The following OTOGL variants were observed in gnomAD, a reference collection of about 807,000 sequenced individuals.
OTOGL encodes the protein otogelin-like protein.
In OTOGL, 285 loss-of-function variants were observed where a neutral mutation model predicts 318.5. The observed-to-expected ratio is 0.89, with a 90% CI of 0.81 to 0.99. The LOEUF is 0.99. Among genes scored for constraint, OTOGL ranks in the 50% least tolerant of loss-of-function variants. The probability of loss-of-function intolerance (pLI) is 0.00; values close to 1 mark genes in which losing one functional copy is unlikely to be tolerated. For synonymous variants in OTOGL, 987 were observed against 936.5 expected (o/e 1.05, Z -0.99); for missense variants, 2,899 against 2,845.6 (o/e 1.02, Z -0.43).
intron 23 of OTOGL, among the ~76,000 whole-genome samples, chr12:80,271,366 G>A (rs1268232492): frequency 2.6e-5 from 4 of 152,038 alleles, no homozygotes; most frequent in African/African-American, 4.8e-5. Context: ...GAATAATCGT[G>A]TGTTCATTGT....
intron 44 of OTOGL, among the ~76,000 whole-genome samples, chr12:80,350,262 T>C (rs934401756): frequency 2.0e-5 from 3 of 152,194 alleles, no homozygotes; most frequent in African/African-American, 7.2e-5. Context: ...TAAATAATAT[T>C]CCATTGTGTA....
At chr12:80,335,462 T>C (rs1363709410) in intron 38 of OTOGL, among the ~76,000 whole-genome samples, 1 of 152,124 alleles carries the variant, frequency 6.6e-6, no homozygotes, top group African/African-American at 2.4e-5. Flanking sequence ...ATTATTTGTT[T>C]ACCTAGACAT....
Position 80,249,965 on chromosome 12 carries a change from G to T in OTOGL, c.1053-1728G>T, listed in dbSNP as rs866622943. 8.0e-4 allele frequency among the ~76,000 whole-genome samples: 121 copies of T among 152,192 alleles called. 1 individual carries two copies. The highest frequency in any genetic ancestry group is 2.8e-3 in the African/African-American group (117 of 41,470). On this transcript the variant is annotated intron_variant, in intron 11 of 58. Coordinates refer to ENST00000547103, the MANE Select transcript of OTOGL (RefSeq NM_001378609.3). ...GTCAGCCCTTTCTTTGACTCGGAAA[G>T]GGAACTCCCTGACCCCTTGCGCTTC...
At chr12:80,166,940 TAAGTC>T (rs1873869074) in intron 1 of OTOGL, among the ~76,000 whole-genome samples, 1 of 152,158 alleles carries the variant, frequency 6.6e-6, no homozygotes, top group Non-Finnish European at 1.5e-5. Context: ...AAGAAATATT[TAAGTC>T]AAGTCATCAT....
At chr12:80,298,686 C>A (rs1306296723) in intron 27 of OTOGL, among the ~76,000 whole-genome samples, 1 of 151,978 alleles carries the variant, frequency 6.6e-6, no homozygotes, top group Non-Finnish European at 1.5e-5. Flanking sequence ...GATGAAATGG[C>A]ATGTTTGTAT....
chr12:80,142,821 G>T lies in OTOGL; in HGVS notation c.-20+43216G>T, dbSNP rs1872043403. 2.6e-5 allele frequency among the ~76,000 whole-genome samples: 4 copies of T among 152,152 alleles called. No homozygotes were observed. The South Asian group carries it at 8.3e-4, about 32-fold the overall frequency. ...CCAGAAGCTAGAGGTGAATGAGGAG[G>T]GGAATCCAGCAGAAAGGATGAGTCA... On this transcript the variant is annotated intron_variant, in intron 1 of 58. Coordinates refer to ENST00000547103, the MANE Select transcript of OTOGL (RefSeq NM_001378609.3).
At chr12:80,344,697 G>T (rs1889047565) in intron 44 of OTOGL, among the ~76,000 whole-genome samples, 1 of 151,864 alleles carries the variant, frequency 6.6e-6, no homozygotes, top group South Asian at 2.1e-4. Flanking sequence ...TTGCTTTATT[G>T]TTTATTTTTA....
At chr12:80,202,629 T>C (rs1439988209) in intron 1 of OTOGL, among the ~76,000 whole-genome samples, 1 of 152,194 alleles carries the variant, frequency 6.6e-6, no homozygotes, top group Non-Finnish European at 1.5e-5. Context: ...TTTTTTTGCA[T>C]GTATGCATTC....
At chr12:80,207,200 T>C (rs1217158648) in intron 1 of OTOGL, among the ~76,000 whole-genome samples, 1 of 152,154 alleles carries the variant, frequency 6.6e-6, no homozygotes, top group Admixed American at 6.5e-5. Context: ...GCTGTTATTT[T>C]TGGAATTTTT....
intron 56 of OTOGL, among the ~76,000 whole-genome samples, chr12:80,371,027 TAAAC>T (rs1157542359): frequency 1.3e-5 from 2 of 152,166 alleles, no homozygotes; most frequent in African/African-American, 4.8e-5. Context: ...TTTTCTTTCT[TAAAC>T]AAACAGTGAG....
At position 80,278,268 on chromosome 12, in the gene OTOGL, T is replaced by C. The variant is rs1441930384; in HGVS notation, c.2782T>C (p.Tyr928His). The C allele has an allele frequency of 6.5e-7, 1 of 1,531,148 alleles. No homozygotes were observed. Among genetic ancestry groups the C allele is most frequent in the Admixed American group, 2.0e-5 (1 of 50,720 alleles). 94.8% of individuals were successfully genotyped at this position (1,531,148 alleles called of 1,614,324 possible). The change falls in exon 25 of 59, where the codon TAC becomes CAC. Residue 928 changes from tyrosine (Y) to histidine (H), a missense_variant. This residue lies in a region of OTOGL where 2,607 missense variants were observed against 2,524.9 expected (regional missense o/e 1.03). Coordinates refer to ENST00000547103, the MANE Select transcript of OTOGL (RefSeq NM_001378609.3). ...LSGEVIATPC[Y>H]TCVCRRGMFN... is the part of the protein sequence containing the mutation. ...AGGAGAAGTGATTGCTACACCGTGT[T>C]ACACCTGGTAAGGAGATCCATTTAT...
chr12:80,219,664 G>A (rs553637226), intron 5 of OTOGL, 150 bp from the exon 6 acceptor site: 1 of 654,952 alleles, frequency 1.5e-6, no homozygotes, highest in Non-Finnish European at 2.7e-6. Context: ...GACTTGTTGG[G>A]TTTAGTTCTT....
At position 80,267,348 on chromosome 12, in the gene OTOGL, T is replaced by C. The variant is rs185232256; in HGVS notation, c.2465+21T>C. 93 of 1,409,478 alleles carry C rather than the reference T, an allele frequency of 6.6e-5. No individual in the cohort carries two copies. In the Middle Eastern group the frequency reaches 7.3e-4, roughly 11 times the overall value. 87.3% of individuals were successfully genotyped at this position (1,409,478 alleles called of 1,614,324 possible). Reference sequence around the variant, plus strand: ...TTATGGTAGGTTTCAATGATGGGGATTGTGTTTGACAAATGATGTATGTTC... The same window carrying C: ...TTATGGTAGGTTTCAATGATGGGGACTGTGTTTGACAAATGATGTATGTTC... On this transcript the variant is annotated intron_variant, in intron 22 of 58. Coordinates refer to ENST00000547103, the MANE Select transcript of OTOGL (RefSeq NM_001378609.3).
At chr12:80,256,313 A>C in intron 16 of OTOGL, 24 bp from the exon 17 acceptor site, 1 of 1,584,852 alleles carries the variant, frequency 6.3e-7, no homozygotes, top group Admixed American at 1.7e-5. Context: ...CATTCCTTGC[A>C]TTGATAATTT....
In OTOGL at chr12:80,305,183, T is replaced by C. The variant is rs528283181; in HGVS notation, c.3214-393T>C. Reference sequence around the variant, plus strand: ...CTAACAAGGATGGGAATATATATAATTATGAATTACATATGTATATATATA... The same window carrying C: ...CTAACAAGGATGGGAATATATATAACTATGAATTACATATGTATATATATA... On this transcript the variant is annotated intron_variant, in intron 28 of 58. Coordinates refer to ENST00000547103, the MANE Select transcript of OTOGL (RefSeq NM_001378609.3). Among the ~76,000 whole-genome samples the C allele has an allele frequency of 8.3e-4, 126 of 152,284 alleles. No homozygotes were observed. The South Asian group carries it at 0.011, about 13-fold the overall frequency.
chr12:80,194,537 T>C (rs539830761), intron 1 of OTOGL, among the ~76,000 whole-genome samples: 2 of 152,234 alleles, frequency 1.3e-5, no homozygotes, highest in South Asian at 4.2e-4. Context: ...AAAAACATAA[T>C]CAGAATATTA....
At chr12:80,363,374 T>C (rs1043410077) in intron 52 of OTOGL, among the ~76,000 whole-genome samples, 3 of 152,074 alleles carry the variant, frequency 2.0e-5, no homozygotes, top group Non-Finnish European at 4.4e-5. Flanking sequence ...CATAGCAGGA[T>C]ATGAGCACTA....
chr12:80,336,284 T>C, intron 39 of OTOGL, 129 bp from the exon 40 acceptor site: 1 of 1,350,572 alleles, frequency 7.4e-7, no homozygotes, highest in South Asian at 1.6e-5. Context: ...TGGCTCACAG[T>C]ATATAACTTT....
At chr12:80,311,053 A>G (rs536035147) in intron 30 of OTOGL, among the ~76,000 whole-genome samples, 1 of 152,350 alleles carries the variant, frequency 6.6e-6, no homozygotes, top group East Asian at 1.9e-4. Context: ...AACATTGTCA[A>G]ATGGGTATTC....
Sources: allele counts gnomAD v4.1 joint callset (sites outside exome capture counted in the v4.1 genomes callset), GRCh38; gene constraint gnomAD v4.1.1; regional missense constraint gnomAD v4.1.1; transcripts MANE v1.5; gene names NCBI Gene and HGNC (gene_info 2026-07-23, HGNC 2026-07-21).